The following PTPRG variants were observed in gnomAD, a reference collection of about 807,000 sequenced individuals.
PTPRG encodes protein tyrosine phosphatase receptor type G.
In PTPRG, 102 loss-of-function variants were observed where a neutral mutation model predicts 165.3. The observed-to-expected ratio is 0.62, with a 90% CI of 0.53 to 0.73. The LOEUF is 0.73. PTPRG is among the 30% of genes least tolerant of loss of function. PTPRG has a pLI of 0.00. For missense variants in PTPRG, 1,866 were observed against 1,861.4 expected (o/e 1.00, Z -0.05); for synonymous variants, 675 against 669.5 (o/e 1.01, Z -0.13).
intron 2 of PTPRG, among the ~76,000 whole-genome samples, chr3:61,853,056 A>G (rs1417011475): frequency 6.6e-6 from 1 of 152,252 alleles, no homozygotes; most frequent in Non-Finnish European, 1.5e-5. Flanking sequence ...TGCAGGGGAT[A>G]GGATAGTGAC....
intron 2 of PTPRG, among the ~76,000 whole-genome samples, chr3:61,911,110 T>C (rs1331526304): frequency 6.6e-6 from 1 of 152,222 alleles, no homozygotes; most frequent in East Asian, 1.9e-4. Context: ...CCTCTTGACC[T>C]TCATACTCCT....
Position 62,237,236 on chromosome 3 carries a change from G to T in PTPRG, c.2375+5925G>T, listed in dbSNP as rs994831479. Among the ~76,000 whole-genome samples the T allele has an allele frequency of 6.6e-6, 1 of 152,138 alleles. No individual in the cohort carries two copies. Among genetic ancestry groups the T allele is most frequent in the African/African-American group, 2.4e-5 (1 of 41,414 alleles). ...CTTTATGCAGAAATTTGGTCATTCTGGGTATTCTTCCTTAAGAATTCCTGG... is the reference window on the plus strand; with the variant it reads ...CTTTATGCAGAAATTTGGTCATTCTTGGTATTCTTCCTTAAGAATTCCTGG... On this transcript the variant is annotated intron_variant, in intron 14 of 29. Transcript: ENST00000474889. The surrounding 1 kb of genome is among the most constrained non-coding windows in gnomAD (Gnocchi z 4.5).
chr3:62,168,240 C>T (rs1191307484), intron 8 of PTPRG, 77 bp downstream of exon 8: 8 of 1,380,906 alleles, frequency 5.8e-6, no homozygotes, highest in African/African-American at 1.5e-5. Context: ...GAATTCAAAG[C>T]CAGCCAGGAA....
intron 15 of PTPRG, among the ~76,000 whole-genome samples, chr3:62,247,335 A>C (rs1701309682): frequency 6.6e-6 from 1 of 152,152 alleles, no homozygotes; most frequent in Non-Finnish European, 1.5e-5. Context: ...AACAGTTTTC[A>C]TATCTCAAGA....
chr3:62,230,847 C>T, intron 13 of PTPRG, among the ~76,000 whole-genome samples: 1 of 152,272 alleles, frequency 6.6e-6, no homozygotes, highest in East Asian at 1.9e-4. Context: ...GTTCACTTTA[C>T]TCCAATGATA....
At chr3:61,598,020 G>A (rs1021389406) in intron 1 of PTPRG, among the ~76,000 whole-genome samples, 3 of 152,182 alleles carry the variant, frequency 2.0e-5, no homozygotes, top group African/African-American at 7.2e-5. Context: ...CTATGGGAAG[G>A]AACCGCTGGC....
intron 4 of PTPRG, among the ~76,000 whole-genome samples, chr3:62,022,545 T>A (rs182566263): frequency 6.6e-6 from 1 of 152,292 alleles, no homozygotes; most frequent in Non-Finnish European, 1.5e-5. Context: ...CAGGTAGAGA[T>A]CAGAACTGGC....
chr3:61,902,056 G>A (rs1188539380), intron 2 of PTPRG, among the ~76,000 whole-genome samples: 1 of 152,156 alleles, frequency 6.6e-6, no homozygotes, highest in Non-Finnish European at 1.5e-5. Flanking sequence ...AGCTTGGTGT[G>A]GAGAAAATAA....
At chr3:62,044,515 G>C (rs1315226375) in intron 4 of PTPRG, among the ~76,000 whole-genome samples, 1 of 151,826 alleles carries the variant, frequency 6.6e-6, no homozygotes, top group Non-Finnish European at 1.5e-5. Flanking sequence ...CTCCAGCCTG[G>C]GTGACAGAGC....
intron 1 of PTPRG, among the ~76,000 whole-genome samples, chr3:61,589,618 TGATGG>T (rs1183354564): frequency 6.6e-6 from 1 of 152,034 alleles, no homozygotes; most frequent in Non-Finnish European, 1.5e-5. Flanking sequence ...TTCAGGTGGT[TGATGG>T]GGTGGGGTGG....
Position 61,786,256 on chromosome 3 carries a change from T to G in PTPRG, c.190+37274T>G, listed in dbSNP as rs768779324. ...TGCATTGGCCAATGGACACTTTAGC[T>G]TCTAAAAAATTCATTTTATTCTTCT... is the stretch of plus-strand genomic sequence containing the variant. On this transcript the variant is annotated intron_variant, in intron 2 of 29. Transcript: ENST00000474889. Among the ~76,000 whole-genome samples the G allele has an allele frequency of 3.6e-4, 55 of 152,202 alleles. 1 individual carries two copies. The highest frequency in any genetic ancestry group is 2.0e-4 in the Admixed American group (3 of 15,270).
chr3:61,876,419 C>T lies in PTPRG; in HGVS notation c.191-113206C>T, dbSNP rs149857404. 1.4e-3 allele frequency among the ~76,000 whole-genome samples: 220 copies of T among 152,290 alleles called. 1 individual carries two copies. The Middle Eastern group carries it at 0.017, about 12-fold the overall frequency. On this transcript the variant is annotated intron_variant, in intron 2 of 29. Coordinates refer to ENST00000474889, the MANE Select transcript of PTPRG (RefSeq NM_002841.4). ...TTCAGTTGATGAGTTAATTCTGTCA[C>T]GCTCGTGTCAATTTCCTGGTTTTGA...
chr3:61,821,038 C>G (rs1054235653), intron 2 of PTPRG, among the ~76,000 whole-genome samples: 3 of 152,038 alleles, frequency 2.0e-5, no homozygotes, highest in Non-Finnish European at 4.4e-5. Flanking sequence ...TTGCAGTATT[C>G]TCCTCAGCAT....
At chr3:61,746,202 A>G (rs1197653767) in intron 1 of PTPRG, among the ~76,000 whole-genome samples, 3 of 123,272 alleles carry the variant, frequency 2.4e-5, no homozygotes, top group Non-Finnish European at 4.9e-5. Context: ...GCCACCACAC[A>G]CTCTAATTTT....
chr3:61,661,756 A>T (rs1400880492), intron 1 of PTPRG, among the ~76,000 whole-genome samples: 1 of 152,094 alleles, frequency 6.6e-6, no homozygotes, highest in Non-Finnish European at 1.5e-5. Flanking sequence ...TATATAACAG[A>T]CTCAGCCCTA....
chr3:62,081,211 C>T (rs6765002), intron 5 of PTPRG, among the ~76,000 whole-genome samples: 42,647 of 148,802 alleles, frequency 0.29, 8,020 homozygotes, highest in African/African-American at 0.54. Flanking sequence ...GAGCCGAGAT[C>T]GCGCCATTGC....
At chr3:61,790,302 T>C (rs915103854) in intron 2 of PTPRG, among the ~76,000 whole-genome samples, 2 of 152,222 alleles carry the variant, frequency 1.3e-5, no homozygotes, top group Admixed American at 1.3e-4. Flanking sequence ...CTCTTCTCCG[T>C]CTGTCCCTTC....
At chr3:62,185,912 C>T (rs903098548) in intron 8 of PTPRG, among the ~76,000 whole-genome samples, 4 of 152,194 alleles carry the variant, frequency 2.6e-5, no homozygotes, top group African/African-American at 9.7e-5. Flanking sequence ...CTCCAAAGCC[C>T]ACACTTTCTG....
chr3:62,228,819 T>C lies in PTPRG; in HGVS notation c.2289-2406T>C, dbSNP rs887141354. 5.9e-5 allele frequency among the ~76,000 whole-genome samples: 9 copies of C among 152,336 alleles called. No homozygotes were observed. The highest frequency in any genetic ancestry group is 1.2e-4 in the Non-Finnish European group (8 of 68,034). On this transcript the variant is annotated intron_variant, in intron 13 of 29. Coordinates refer to ENST00000474889, the MANE Select transcript of PTPRG (RefSeq NM_002841.4). The surrounding 1 kb of genome is among the most constrained non-coding windows in gnomAD (Gnocchi z 4.1). ...CAAAAGGTAGGTTTATATAAAACTT[T>C]GTCTAGTTTGGAAAACTCTGAGCTT...
Sources: allele counts gnomAD v4.1 joint callset (sites outside exome capture counted in the v4.1 genomes callset), GRCh38; gene constraint gnomAD v4.1.1; non-coding constraint Gnocchi (gnomAD v3.1); transcripts MANE v1.5; gene names NCBI Gene and HGNC (gene_info 2026-07-23, HGNC 2026-07-21).